The following ZNF318 variants were observed in gnomAD, a reference collection of about 807,000 sequenced individuals.
ZNF318 encodes the protein endocrine regulator.
Under a neutral mutation model 124.2 loss-of-function variants are expected in ZNF318, and 51 were observed. The observed-to-expected ratio is 0.41, with a 90% CI of 0.33 to 0.52. The LOEUF is 0.52. Ranked by LOEUF, ZNF318 falls within the 20% of genes least tolerant of loss-of-function variation. The pLI is 0.23. For synonymous variants in ZNF318, 1,090 were observed against 1,040.7 expected (o/e 1.05, Z -0.91); for missense variants, 2,815 against 2,811.2 (o/e 1.00, Z -0.03).
intron 4 of ZNF318, 22 bp from the exon 5 acceptor site, chr6:43,352,498 G>A (rs1779543520): frequency 1.3e-6 from 2 of 1,598,570 alleles, no homozygotes; most frequent in Middle Eastern, 1.7e-4. Flanking sequence ...AAAGTGGTAA[G>A]AGAGTCCATC....
intron 2 of ZNF318, among the ~76,000 whole-genome samples, chr6:43,359,760 A>T (rs1373086260): frequency 1.3e-5 from 2 of 152,216 alleles, no homozygotes; most frequent in African/African-American, 4.8e-5. Flanking sequence ...AAGGTTATCA[A>T]GGACAAACTT....
rs746205142 is a variant in ZNF318 at position 43,357,539 on chromosome 6, C to T, written c.775G>A (p.Gly259Ser). ...GTERNREKLK[G>S]YSIRSEERSR... Reference sequence around the variant, plus strand: ...CTTTCTTCAGATCGTATGGAGTAGCCTTTGAGTTTTTCTCGATTCCGTTCT... The same window carrying T: ...CTTTCTTCAGATCGTATGGAGTAGCTTTTGAGTTTTTCTCGATTCCGTTCT... Residue 259 changes from glycine to serine, a missense_variant, in exon 3 of 10, where the codon GGC (glycine) becomes AGC (serine). Around this residue, in one of 4 missense-constraint regions of ZNF318, gnomAD observed 1,377 missense variants for 1,353.5 expected, o/e 1.02. Transcript: ENST00000361428. 3.1e-6 allele frequency: 5 copies of T among 1,614,050 alleles called. No homozygotes were observed. The highest frequency in any genetic ancestry group is 4.2e-6 in the Non-Finnish European group (5 of 1,180,002).
chr6:43,338,423 CCT>C lies in ZNF318; in HGVS notation c.5573_5574del (p.Gln1858ArgfsTer17). On this transcript the variant is annotated frameshift_variant, in exon 10 of 10. Transcript: ENST00000361428. LOFTEE classifies it low-confidence loss of function (END_TRUNC). ...AATTTTGCCTTTGTGAAAGAGCAAGCCTGTGGACTCAATTTGATCACTACTTT... is the reference window on the plus strand; with the variant it reads ...AATTTTGCCTTTGTGAAAGAGCAAGCGTGGACTCAATTTGATCACTACTTT... ...PSKVVIKLSP[Q>X]ACSFTKAKLD... is the part of the protein sequence containing the mutation. 1 of 1,614,196 alleles carries C rather than the reference CCT, an allele frequency of 6.2e-7. No homozygotes were observed. The highest frequency in any genetic ancestry group is 8.5e-7 in the Non-Finnish European group (1 of 1,180,034).
In ZNF318 at chr6:43,340,372, T is replaced by G. The variant is rs1779356898; in HGVS notation, c.3626A>C (p.Lys1209Thr). Residue 1209 changes from lysine to threonine, a missense_variant, in exon 10 of 10, where the codon AAG becomes ACG. By Grantham distance (78) the Lys-to-Thr change is moderately conservative. This residue lies in a region of ZNF318 where 500 missense variants were observed against 605.2 expected (regional missense o/e 0.83). Coordinates refer to ENST00000361428, the MANE Select transcript of ZNF318 (RefSeq NM_014345.3). Reference sequence around the variant, plus strand: ...TGCCTTTTTTTCTTTCTTCTCCTCCTTTGGTTTCTCACTAAGTTTGCGCTT... The same window carrying G: ...TGCCTTTTTTTCTTTCTTCTCCTCCGTTGGTTTCTCACTAAGTTTGCGCTT... ...ELKRKLSEKP[K>T]EEKKEKKAKA... 6.2e-7 allele frequency: 1 copy of G among 1,614,078 alleles called. No individual in the cohort carries two copies. The highest frequency in any genetic ancestry group is 8.5e-7 in the Non-Finnish European group (1 of 1,180,046).
chr6:43,336,103 C>T lies in ZNF318; in HGVS notation c.*1055G>A, dbSNP rs1197842502. The T allele has an allele frequency of 6.6e-6, 1 of 152,578 alleles. No homozygotes were observed. The highest frequency in any genetic ancestry group is 6.5e-5 in the Admixed American group (1 of 15,272). The allele number at this position is 152,578 out of a possible 1,614,324, so 9.5% of individuals were successfully genotyped here. ...ATGCATTTATTCCAAGTAATTAACA[C>T]ATTAAAAATAAAGTTAAACTTGTCC... On this transcript the variant is annotated 3_prime_UTR_variant, in exon 10 of 10. Coordinates refer to ENST00000361428, the MANE Select transcript of ZNF318 (RefSeq NM_014345.3).
chr6:43,365,243 T>C (rs1401517064), intron 2 of ZNF318, 49 bp downstream of exon 2: 2 of 1,566,332 alleles, frequency 1.3e-6, no homozygotes, highest in African/African-American at 2.7e-5. Context: ...CAGCAACATT[T>C]CTGCCTTCAA....
chr6:43,364,042 C>G, intron 2 of ZNF318: 1 of 916,338 alleles, frequency 1.1e-6, no homozygotes. Context: ...AGCCCGTGCC[C>G]AAGAAGCTGC....
chr6:43,356,782 G>A (rs566838016), intron 3 of ZNF318, among the ~76,000 whole-genome samples: 34 of 152,226 alleles, frequency 2.2e-4, no homozygotes, highest in Admixed American at 1.4e-3. Flanking sequence ...AAAGAGAGAT[G>A]AGAAAATTGA....
chr6:43,356,515 C>T (rs1399265952), intron 3 of ZNF318, among the ~76,000 whole-genome samples: 1 of 152,106 alleles, frequency 6.6e-6, no homozygotes, highest in Non-Finnish European at 1.5e-5. Flanking sequence ...AACTCTGGAA[C>T]GCTAACTCAT....
chr6:43,368,819 A>G lies in ZNF318; in HGVS notation c.399+148T>C, dbSNP rs1228447253. The stretch of plus-strand genomic sequence containing the variant: ...TGTCAACGCTCCCGGGTCTGACAGA[A>G]GCCTCCAGGCTCGGCATCCCCGAGG... On this transcript the variant is annotated intron_variant, in intron 1 of 9. Transcript: ENST00000361428. 3.2e-6 allele frequency: 4 copies of G among 1,233,802 alleles called. No homozygotes were observed. In the Admixed American group the frequency reaches 1.7e-4, roughly 52 times the overall value. The allele number at this position is 1,233,802 out of a possible 1,614,324, so 76.4% of individuals were successfully genotyped here. A position where few individuals can be genotyped will look rare whatever the true frequency, so the allele number is the denominator to read the frequency against.
Position 43,340,063 on chromosome 6 carries a change from G to C in ZNF318, c.3935C>G (p.Thr1312Ser), listed in dbSNP as rs139484106. ...GATAGGCTTTGCCTTCCCAGCTTCA[G>C]TTTTGCCATCCTCTTTGTCCTTACT... ...ESSKDKEDGK[T>S]EAGKAKPIKI... is the part of the protein sequence containing the mutation. Residue 1312 changes from threonine to serine, a missense_variant, in exon 10 of 10, where the codon ACT (threonine) becomes AGT (serine). Transcript: ENST00000361428. The C allele has an allele frequency of 1.2e-6, 2 of 1,614,050 alleles. No homozygotes were observed. The highest frequency in any genetic ancestry group is 1.7e-6 in the Non-Finnish European group (2 of 1,180,026).
At position 43,354,929 on chromosome 6, in the gene ZNF318, C is replaced by T; in HGVS notation, c.2405G>A (p.Trp802Ter). The T allele has an allele frequency of 6.2e-7, 1 of 1,610,800 alleles. No homozygotes were observed. Among genetic ancestry groups the T allele is most frequent in the Non-Finnish European group, 8.5e-7 (1 of 1,177,866 alleles). The change falls in exon 4 of 10, where the codon TGG becomes TAG. Residue 802 changes from tryptophan (W) to a stop codon, truncating the protein, a stop_gained. Transcript: ENST00000361428. LOFTEE classifies it high-confidence loss of function. ...CGGTTGAGAGGTGGGATACATGGGC[C>T]ATCTGGAGGCTGCATATGCCATGTA... Reference protein sequence around the residue: ...RHYMAYAASRWPMYPTSQPSN... With the variant: ...RHYMAYAASR
chr6:43,337,727 A>C lies in ZNF318; in HGVS notation c.6271T>G (p.Ser2091Ala), dbSNP rs1238755375. The change falls in exon 10 of 10, where the codon TCA (serine) becomes GCA (alanine). Residue 2091 changes from serine to alanine, a missense_variant. By Grantham distance (99) the Ser-to-Ala change is moderately conservative. Coordinates refer to ENST00000361428, the MANE Select transcript of ZNF318 (RefSeq NM_014345.3). ...ATCCTAACACTCCTGGGATTAGGTG[A>C]GTTTCGTTCACCCTCTGTCTCAAAG... The part of the protein sequence containing the change: ...LDFETEGERN[S>A]PNPRSVRIPS... 2 of 1,614,020 alleles carry C rather than the reference A, an allele frequency of 1.2e-6. No homozygotes were observed. The highest frequency in any genetic ancestry group is 1.7e-6 in the Non-Finnish European group (2 of 1,180,036).
At position 43,352,434 on chromosome 6, in the gene ZNF318, G is replaced by A. The variant is rs1216645150; in HGVS notation, c.2713C>T (p.Arg905Cys). Residue 905 changes from arginine (R) to cysteine (C), a missense_variant, in exon 5 of 10, where the codon CGC becomes TGC. Arg to Cys is a radical substitution (Grantham distance 180). Transcript: ENST00000361428. ...CTAAGATAGTACATCTTCTTCTGGC[G>A]GGCTTCCCGGTCATTCTTTAGTTTT... Reference protein sequence around the residue: ...REKLKNDREARQKKMYYLRTE... With the variant: ...REKLKNDREACQKKMYYLRTE... The A allele has an allele frequency of 3.1e-6, 5 of 1,613,908 alleles. No homozygotes were observed. Among genetic ancestry groups the A allele is most frequent in the Non-Finnish European group, 4.2e-6 (5 of 1,179,994 alleles).
chr6:43,369,082 C>T lies in ZNF318; in HGVS notation c.284G>A (p.Gly95Asp). ...ARRGSPSPPRGRRLFPPGPAG... is the reference protein window; with the variant it reads ...ARRGSPSPPRDRRLFPPGPAG... ...CGGGCCCGGCGGGAAGAGTCGTCGGCCCCGCGGTGGCGACGGGGAGCCGCG... is the reference window on the plus strand; with the variant it reads ...CGGGCCCGGCGGGAAGAGTCGTCGGTCCCGCGGTGGCGACGGGGAGCCGCG... Residue 95 changes from glycine (G) to aspartate (D), a missense_variant, in exon 1 of 10, where the codon GGC (glycine) becomes GAC (aspartate). By Grantham distance (94) the Gly-to-Asp change is moderately conservative (BLOSUM62 -1). Transcript: ENST00000361428. 1.6e-6 allele frequency: 2 copies of T among 1,279,096 alleles called. No homozygotes were observed. Among genetic ancestry groups the T allele is most frequent in the Non-Finnish European group, 2.0e-6 (2 of 1,012,892 alleles). The allele number at this position is 1,279,096 out of a possible 1,614,324, so 79.2% of individuals were successfully genotyped here.
intron 2 of ZNF318, among the ~76,000 whole-genome samples, chr6:43,360,282 A>T (rs1779663318): frequency 6.6e-6 from 1 of 152,220 alleles, no homozygotes; most frequent in South Asian, 2.1e-4. Flanking sequence ...CAGTTTTCTT[A>T]AAAAAGCTAT....
In ZNF318 at chr6:43,348,055, G is replaced by A. The variant is rs1328330005; in HGVS notation, c.3072+269C>T. Among the ~76,000 whole-genome samples the A allele has an allele frequency of 2.0e-5, 3 of 152,296 alleles. No individual in the cohort carries two copies. The South Asian group carries it at 6.2e-4, about 32-fold the overall frequency. ...AAAGGGTATATACAAGTTCTGAGAAGATCAGAAGCCAGATAGGAGTGGGTT... is the reference window on the plus strand; with the variant it reads ...AAAGGGTATATACAAGTTCTGAGAAAATCAGAAGCCAGATAGGAGTGGGTT... On this transcript the variant is annotated intron_variant, in intron 6 of 9. Coordinates refer to ENST00000361428, the MANE Select transcript of ZNF318 (RefSeq NM_014345.3).
chr6:43,357,152 C>A lies in ZNF318; in HGVS notation c.1162G>T (p.Val388Leu), dbSNP rs755012088. 3 of 1,613,492 alleles carry A rather than the reference C, an allele frequency of 1.9e-6. No individual in the cohort carries two copies. Among genetic ancestry groups the A allele is most frequent in the Non-Finnish European group, 2.5e-6 (3 of 1,179,598 alleles). Reference sequence around the variant, plus strand: ...TGCATGGAGGGCTCCATTATGTCCACCTCAATCCGCTTCTTCAAAATGGAT... The same window carrying A: ...TGCATGGAGGGCTCCATTATGTCCAACTCAATCCGCTTCTTCAAAATGGAT... ...KKSILKKRIEVDIMEPSMQLE... is the reference protein window; with the variant it reads ...KKSILKKRIELDIMEPSMQLE... Residue 388 changes from valine to leucine, a missense_variant, in exon 3 of 10, where the codon GTG becomes TTG. Val to Leu is a conservative substitution (Grantham distance 32). Transcript: ENST00000361428.
chr6:43,338,082 T>C lies in ZNF318; in HGVS notation c.5916A>G (p.Pro1972=), dbSNP rs375983190. The C allele has an allele frequency of 1.1e-5, 18 of 1,614,076 alleles. No individual in the cohort carries two copies. Among genetic ancestry groups the C allele is most frequent in the Middle Eastern group, 1.6e-4 (1 of 6,084 alleles). ...NKKRPETWES[P]EKPKTEALEL... The stretch of plus-strand genomic sequence containing the variant: ...CCAGTGCTTCTGTTTTTGGTTTCTC[T>C]GGGCTCTCCCAGGTCTCTGGCCTCT... Residue 1972 remains proline, a synonymous_variant, in exon 10 of 10, where the codon CCA becomes CCG. Transcript: ENST00000361428.
Sources: gnomAD v4.1 joint callset for allele counts (sites outside exome capture counted in the v4.1 genomes callset) on GRCh38, gnomAD v4.1.1 for gene constraint, gnomAD v4.1.1 regional missense constraint, MANE v1.5 for transcripts, NCBI Gene and HGNC (gene_info 2026-07-23, HGNC 2026-07-21) for gene names.